The following CMIP variants were observed in gnomAD, a reference collection of about 807,000 sequenced individuals.
CMIP encodes C-Maf-inducing protein.
In CMIP, 13 loss-of-function variants were observed where a neutral mutation model predicts 97.3. The ratio of observed to expected loss-of-function variants is 0.13; its 90% confidence interval spans 0.09 to 0.21. CMIP has a LOEUF of 0.21. Ranked by LOEUF, CMIP falls within the 10% of genes least tolerant of loss-of-function variation. CMIP has a pLI of 1.00. For missense variants in CMIP, 847 were observed against 1,024.9 expected (o/e 0.83, Z 2.37); for synonymous variants, 538 against 436.3 (o/e 1.23, Z -2.91).
intron 9 of CMIP, among the ~76,000 whole-genome samples, chr16:81,673,435 G>C (rs1463589545): frequency 6.6e-6 from 1 of 152,166 alleles, no homozygotes; most frequent in African/African-American, 2.4e-5. Context: ...AGAATAGCTT[G>C]AACCTGGGAG....
At chr16:81,562,641 G>A (rs1414724915) in intron 1 of CMIP, among the ~76,000 whole-genome samples, 1 of 152,240 alleles carries the variant, frequency 6.6e-6, no homozygotes, top group Non-Finnish European at 1.5e-5. Context: ...CCCCAGATGG[G>A]TGCATTACAC....
chr16:81,597,706 G>C (rs1293122235), intron 1 of CMIP, among the ~76,000 whole-genome samples: 1 of 152,164 alleles, frequency 6.6e-6, no homozygotes, highest in East Asian at 1.9e-4. Context: ...GCTTGGGCCA[G>C]TTCCCCCATT....
chr16:81,630,589 G>A (rs1359984857), intron 3 of CMIP: 1 of 152,182 alleles, frequency 6.6e-6, no homozygotes, highest in Admixed American at 6.5e-5. Flanking sequence ...GGAACTTCCA[G>A]GCAGGCACCG....
chr16:81,709,009 A>G (rs1409645031), intron 20 of CMIP, among the ~76,000 whole-genome samples: 1 of 152,170 alleles, frequency 6.6e-6, no homozygotes, highest in Non-Finnish European at 1.5e-5. Context: ...GGAGGCAGCT[A>G]CCTCTCTGTA....
chr16:81,509,543 G>A (rs1332713200), intron 1 of CMIP, among the ~76,000 whole-genome samples: 1 of 152,172 alleles, frequency 6.6e-6, no homozygotes, highest in Admixed American at 6.5e-5. Context: ...GGTGCCTGAT[G>A]TGCAGGTACT....
intron 1 of CMIP, among the ~76,000 whole-genome samples, chr16:81,528,889 A>G (rs2090180637): frequency 6.6e-6 from 1 of 152,036 alleles, no homozygotes. Flanking sequence ...GCACTCACCC[A>G]TGCTCCCTCC....
chr16:81,508,346 A>C (rs1057026181), intron 1 of CMIP, among the ~76,000 whole-genome samples: 1 of 152,178 alleles, frequency 6.6e-6, no homozygotes, highest in African/African-American at 2.4e-5. Context: ...AAATACGTAC[A>C]AATTTGGTTT....
chr16:81,461,285 C>G (rs1906882641), intron 1 of CMIP, among the ~76,000 whole-genome samples: 1 of 152,176 alleles, frequency 6.6e-6, no homozygotes, highest in Non-Finnish European at 1.5e-5. Context: ...AAATGTTAGC[C>G]TATTTTTCCT....
At chr16:81,690,107 C>G (rs1905883235) in intron 10 of CMIP, among the ~76,000 whole-genome samples, 1 of 152,118 alleles carries the variant, frequency 6.6e-6, no homozygotes, top group Non-Finnish European at 1.5e-5. Context: ...TAGCTTTGTT[C>G]TTTTGGCTTA....
intron 1 of CMIP, among the ~76,000 whole-genome samples, chr16:81,546,372 G>C (rs1052445760): frequency 3.9e-5 from 6 of 152,132 alleles, no homozygotes; most frequent in Non-Finnish European, 8.8e-5. Flanking sequence ...GTAGGGCGGC[G>C]GTCCCTTTAG....
chr16:81,484,537 T>C (rs1465880185), intron 1 of CMIP, among the ~76,000 whole-genome samples: 1 of 152,166 alleles, frequency 6.6e-6, no homozygotes, highest in Non-Finnish European at 1.5e-5. Flanking sequence ...AAGCATCTCC[T>C]CTTCCCCCTT....
At chr16:81,578,869 G>A (rs2091247720) in intron 1 of CMIP, among the ~76,000 whole-genome samples, 1 of 152,208 alleles carries the variant, frequency 6.6e-6, no homozygotes, top group South Asian at 2.1e-4. Context: ...CTGCCCCGGA[G>A]ACCTGGCCTG....
intron 1 of CMIP, among the ~76,000 whole-genome samples, chr16:81,564,207 A>C (rs1416124088): frequency 2.0e-5 from 3 of 152,216 alleles, no homozygotes; most frequent in Non-Finnish European, 2.9e-5. Context: ...CAGGCAAGGA[A>C]GCTGGGCACC....
At chr16:81,565,771 T>C (rs2090969893) in intron 1 of CMIP, among the ~76,000 whole-genome samples, 1 of 152,198 alleles carries the variant, frequency 6.6e-6, no homozygotes, top group Admixed American at 6.5e-5. Flanking sequence ...CGTGCTGTCA[T>C]TCAACACACA....
chr16:81,508,934 T>C lies in CMIP; in HGVS notation c.300+63393T>C, dbSNP rs190155962. Among the ~76,000 whole-genome samples, 13 of 152,324 alleles carry C rather than the reference T, an allele frequency of 8.5e-5. No individual in the cohort carries two copies. The East Asian group carries it at 2.5e-3, about 29-fold the overall frequency. On this transcript the variant is annotated intron_variant, in intron 1 of 20. Transcript: ENST00000537098. ...TGTCTGGAGTGGTTCTCCCTTGGCC[T>C]TGCCTGCCATTCCTTTGCTCAGCGT...
At chr16:81,598,308 G>A (rs1389563220) in intron 1 of CMIP, among the ~76,000 whole-genome samples, 17 of 152,144 alleles carry the variant, frequency 1.1e-4, no homozygotes, top group Admixed American at 7.9e-4. Flanking sequence ...CAACAGGGCG[G>A]CGCCTGGCCA....
chr16:81,578,765 C>G (rs2091245180), intron 1 of CMIP, among the ~76,000 whole-genome samples: 1 of 152,360 alleles, frequency 6.6e-6, no homozygotes, highest in Non-Finnish European at 1.5e-5. Context: ...TGGAAGCAGC[C>G]AACACCTGCT....
chr16:81,698,440 A>G (rs1907012166), intron 14 of CMIP, among the ~76,000 whole-genome samples: 1 of 152,196 alleles, frequency 6.6e-6, no homozygotes, highest in Non-Finnish European at 1.5e-5. Context: ...TTCCGAGCTC[A>G]CAGCGGGCTT....
At chr16:81,596,303 C>G (rs963152827) in intron 1 of CMIP, among the ~76,000 whole-genome samples, 3 of 151,938 alleles carry the variant, frequency 2.0e-5, no homozygotes, top group African/African-American at 4.8e-5. Flanking sequence ...GTCAGGAGTT[C>G]AAGACCAGCC....
Sources: allele counts gnomAD v4.1 joint callset (sites outside exome capture counted in the v4.1 genomes callset), GRCh38; gene constraint gnomAD v4.1.1; transcripts MANE v1.5; gene names NCBI Gene and HGNC (gene_info 2026-07-23, HGNC 2026-07-21).